Variants in EFL1 observed in about 807,000 individuals in gnomAD.
EFL1 encodes the protein elongation factor like GTPase 1.
Under a neutral mutation model 126.7 loss-of-function variants are expected in EFL1, and 76 were observed. The observed-to-expected ratio is 0.60, with a 90% CI of 0.50 to 0.73. EFL1 has a LOEUF of 0.73. Among genes scored for constraint, EFL1 ranks in the 30% least tolerant of loss-of-function variants. The pLI is 0.00. For synonymous variants in EFL1, 410 were observed against 448.4 expected, an observed-to-expected ratio of 0.91 and a Z score of 1.08; for missense variants, 1,128 against 1,343.2, an observed-to-expected ratio of 0.84 and a Z score of 2.50.
chr15:82,249,229 C>T (rs1407452419), intron 4 of EFL1, among the ~76,000 whole-genome samples: 1 of 151,742 alleles, frequency 6.6e-6, no homozygotes, highest in African/African-American at 2.4e-5. Context: ...CTTGCATCCA[C>T]GAGGTTGAGA....
Position 82,152,076 on chromosome 15 carries a change from T to C in EFL1, c.2378A>G (p.His793Arg), listed in dbSNP as rs747779740. Reference protein sequence around the residue: ...LNEGENTHMIHQKTQEKIWEF... With the variant: ...LNEGENTHMIRQKTQEKIWEF... The stretch of plus-strand genomic sequence containing the variant: ...CCAAATTTTCTCTTGGGTCTTCTGA[T>C]GAATCATGTGAGTATTTTCACCCTC... The change falls in exon 18 of 20, where the codon CAT (histidine) becomes CGT (arginine). Residue 793 changes from histidine to arginine, a missense_variant. His to Arg is a conservative substitution (Grantham distance 29, BLOSUM62 0). This residue lies in a region of EFL1 where 561 missense variants were observed against 641.7 expected (regional missense o/e 0.87). Transcript: ENST00000268206. 2 of 1,614,166 alleles carry C rather than the reference T, an allele frequency of 1.2e-6. No individual in the cohort carries two copies. The highest frequency in any genetic ancestry group is 1.7e-5 in the Admixed American group (1 of 60,016).
At chr15:82,193,295 T>C (rs2074377860) in intron 15 of EFL1, among the ~76,000 whole-genome samples, 1 of 152,204 alleles carries the variant, frequency 6.6e-6, no homozygotes, top group Non-Finnish European at 1.5e-5. Flanking sequence ...TAATACATAT[T>C]GAGCACCACC....
At chr15:82,240,069 CT>C (rs2074915477) in intron 6 of EFL1, among the ~76,000 whole-genome samples, 1 of 152,070 alleles carries the variant, frequency 6.6e-6, no homozygotes, top group Non-Finnish European at 1.5e-5. Context: ...GAAATATTTG[CT>C]GAATAAATAA....
intron 19 of EFL1, among the ~76,000 whole-genome samples, chr15:82,132,970 G>A (rs941727123): frequency 6.6e-6 from 1 of 152,070 alleles, no homozygotes; most frequent in Non-Finnish European, 1.5e-5. Flanking sequence ...AGTCAGTATG[G>A]GCTCAGGGCC....
chr15:82,165,060 G>A (rs1595953975), intron 15 of EFL1, among the ~76,000 whole-genome samples: 1 of 152,082 alleles, frequency 6.6e-6, no homozygotes, highest in Non-Finnish European at 1.5e-5. Flanking sequence ...ATCACTTGAG[G>A]TCAGGAGTTC....
chr15:82,164,038 A>G (rs2074051322), intron 15 of EFL1, 54 bp from the exon 16 acceptor site: 5 of 1,595,580 alleles, frequency 3.1e-6, no homozygotes, highest in Non-Finnish European at 4.3e-6. Context: ...TTCTGAATTT[A>G]TGTCAGAAAA....
chr15:82,193,895 C>T (rs71231559), intron 15 of EFL1, among the ~76,000 whole-genome samples: 5,858 of 152,252 alleles, frequency 0.038, 144 homozygotes, highest in Middle Eastern at 0.083. Context: ...CCACCCAACT[C>T]GCCGCCTTCA....
In EFL1 at chr15:82,252,292, T is replaced by C. The variant is rs192742721; in HGVS notation, c.244+399A>G. 7.2e-5 allele frequency among the ~76,000 whole-genome samples: 11 copies of C among 152,362 alleles called. No individual in the cohort carries two copies. In the East Asian group the frequency reaches 2.1e-3, roughly 29 times the overall value. Reference sequence around the variant, plus strand: ...ATTCCTAGAAGTGTTACTATCAATGTAGCATCCTCATTTGAGGACAGCAAG... The same window carrying C: ...ATTCCTAGAAGTGTTACTATCAATGCAGCATCCTCATTTGAGGACAGCAAG... On this transcript the variant is annotated intron_variant, in intron 4 of 19. Transcript: ENST00000268206.
chr15:82,190,387 C>A (rs1313145926), intron 15 of EFL1, among the ~76,000 whole-genome samples: 1 of 152,050 alleles, frequency 6.6e-6, no homozygotes, highest in African/African-American at 2.4e-5. Context: ...CTATTTTGTA[C>A]AAGAAGTCTG....
intron 1 of EFL1, 26 bp from the exon 2 acceptor site, chr15:82,261,823 TGGCCCAGA>T (rs2075123702): frequency 6.3e-7 from 1 of 1,578,736 alleles, no homozygotes; most frequent in Non-Finnish European, 8.7e-7. Context: ...GTATTACAAA[TGGCCCAGA>T]GGCTAAAGGT....
At chr15:82,261,410 T>C (rs941618407) in intron 2 of EFL1, among the ~76,000 whole-genome samples, 2 of 152,276 alleles carry the variant, frequency 1.3e-5, no homozygotes, top group Non-Finnish European at 2.9e-5. Flanking sequence ...ACAGACATTT[T>C]ATATGTAAAG....
rs1241404748 is a variant in EFL1, at chr15:82,226,473, A to G, written c.1192+977T>C. Among the ~76,000 whole-genome samples, 6 of 152,306 alleles carry G rather than the reference A, an allele frequency of 3.9e-5. No homozygotes were observed. In the East Asian group the frequency reaches 1.2e-3, roughly 29 times the overall value. On this transcript the variant is annotated intron_variant, in intron 11 of 19. Coordinates refer to ENST00000268206, the MANE Select transcript of EFL1 (RefSeq NM_024580.6). Reference sequence around the variant, plus strand: ...GACTGGATGTTGGAGTGTGAGATAAATATAAGGGCCATAGATGACTCCAAG... The same window carrying G: ...GACTGGATGTTGGAGTGTGAGATAAGTATAAGGGCCATAGATGACTCCAAG...
chr15:82,237,970 G>A (rs1034655619), intron 7 of EFL1, among the ~76,000 whole-genome samples: 13 of 152,112 alleles, frequency 8.5e-5, no homozygotes, highest in African/African-American at 3.1e-4. Flanking sequence ...TGAGAAATTT[G>A]GAGATAAATG....
At chr15:82,209,213 G>A (rs1467243021) in intron 15 of EFL1, among the ~76,000 whole-genome samples, 1 of 152,016 alleles carries the variant, frequency 6.6e-6, no homozygotes, top group Admixed American at 6.6e-5. Context: ...ATTCTACTGA[G>A]CTTTCCCTTG....
At chr15:82,221,795 G>A (rs1319576778) in intron 12 of EFL1, among the ~76,000 whole-genome samples, 1 of 152,214 alleles carries the variant, frequency 6.6e-6, no homozygotes, top group Non-Finnish European at 1.5e-5. Flanking sequence ...CTAAATGTCA[G>A]AACTTTCAAA....
At chr15:82,228,414 A>C (rs1595996459) in intron 9 of EFL1, 87 bp from the exon 10 acceptor site, 1 of 1,463,840 alleles carries the variant, frequency 6.8e-7, no homozygotes, top group Non-Finnish European at 9.1e-7. Context: ...GCATATTTTT[A>C]CCCTAATGTG....
Position 82,223,519 on chromosome 15 carries a change from T to C in EFL1, c.1292+1646A>G, listed in dbSNP as rs149511979. ...CATTCACAGAAAATGTAATTAACAG[T>C]AGAGGCATAATAATACTATTATTCA... On this transcript the variant is annotated intron_variant, in intron 12 of 19. Coordinates refer to ENST00000268206, the MANE Select transcript of EFL1 (RefSeq NM_024580.6). Among the ~76,000 whole-genome samples, 603 of 152,322 alleles carry C rather than the reference T, an allele frequency of 4.0e-3. 3 individuals carry two copies. Among genetic ancestry groups the C allele is most frequent in the Non-Finnish European group, 6.7e-3 (456 of 68,022 alleles).
chr15:82,221,204 C>T (rs923943152), intron 12 of EFL1, among the ~76,000 whole-genome samples: 5 of 152,146 alleles, frequency 3.3e-5, no homozygotes, highest in African/African-American at 9.7e-5. Context: ...GCCTCTCTCC[C>T]GTGTTGTCCA....
Position 82,238,325 on chromosome 15 carries a change from A to G in EFL1, c.713T>C (p.Ile238Thr). ...EQGNVVFTSA[I>T]DGWGFGIEHF... ...GACTTACCCAAAGCCCCACCCATCT[A>G]TTGCACTGGTAAACACCACATTTCC... Residue 238 changes from isoleucine to threonine, a missense_variant, in exon 7 of 20, where the codon ATA (isoleucine) becomes ACA (threonine). Ile to Thr is a moderately conservative substitution (Grantham distance 89). Coordinates refer to ENST00000268206, the MANE Select transcript of EFL1 (RefSeq NM_024580.6). 4 of 1,614,166 alleles carry G rather than the reference A, an allele frequency of 2.5e-6. No individual in the cohort carries two copies. Among genetic ancestry groups the G allele is most frequent in the Non-Finnish European group, 2.5e-6 (3 of 1,180,026 alleles).
Sources: gnomAD v4.1 joint callset for allele counts (sites outside exome capture counted in the v4.1 genomes callset) on GRCh38, gnomAD v4.1.1 for gene constraint, gnomAD v4.1.1 regional missense constraint, MANE v1.5 for transcripts, NCBI Gene and HGNC (gene_info 2026-07-23, HGNC 2026-07-21) for gene names.